DZANK1: variants seen among roughly 807,000 people sequenced by gnomAD.
DZANK1 encodes the protein double zinc ribbon and ankyrin repeat domains 1.
A neutral mutation model predicts 94.5 loss-of-function variants in DZANK1; 91 were observed. The ratio of observed to expected loss-of-function variants is 0.96; its 90% confidence interval spans 0.81 to 1.15. The LOEUF (loss-of-function observed/expected upper bound fraction) is 1.15. Ranked by LOEUF, DZANK1 falls within the 50% of genes most tolerant of loss-of-function variation. The probability of loss-of-function intolerance (pLI) is 0.00; values close to 1 mark genes in which losing one functional copy is unlikely to be tolerated. For synonymous variants in DZANK1, 312 were observed against 325.3 expected (o/e 0.96, Z 0.44); for missense variants, 903 against 916.4 (o/e 0.99, Z 0.19).
At chr20:18,394,570 C>G (rs558959317) in intron 15 of DZANK1, 5 of 683,198 alleles carry the variant, frequency 7.3e-6, no homozygotes, top group African/African-American at 7.0e-5. Context: ...GCCCCTCCTC[C>G]TCTCCCTCCC....
chr20:18,454,932 G>C (rs1324654788), intron 4 of DZANK1, among the ~76,000 whole-genome samples: 1 of 152,234 alleles, frequency 6.6e-6, no homozygotes. Flanking sequence ...AGGAAAAGCT[G>C]ACCAAGGGCA....
At chr20:18,458,165 A>C (rs1408760704) in intron 3 of DZANK1, among the ~76,000 whole-genome samples, 2 of 152,208 alleles carry the variant, frequency 1.3e-5, no homozygotes, top group African/African-American at 4.8e-5. Context: ...TGTCTGGCTC[A>C]TTAGCATTTC....
rs889387897 is a variant in DZANK1 at position 18,384,215 on chromosome 20, A to T, written c.*184T>A. 5 of 529,212 alleles carry T rather than the reference A, an allele frequency of 9.4e-6. No individual in the cohort carries two copies. In the Admixed American group the frequency reaches 1.5e-4, roughly 16 times the overall value. 32.8% of individuals were successfully genotyped at this position (529,212 alleles called of 1,614,324 possible). The stretch of plus-strand genomic sequence containing the variant: ...ACTGGGATTACAGGCATGCACCACT[A>T]CGCCCGACTAATTTTGTATTTTTAG... On this transcript the variant is annotated 3_prime_UTR_variant, in exon 21 of 21. Coordinates refer to ENST00000262547, the Ensembl canonical transcript of DZANK1.
exon 21 of DZANK1, chr20:18,384,060 T>G: frequency 5.4e-6 from 1 of 183,690 alleles, no homozygotes; most frequent in Non-Finnish European, 1.2e-5. Flanking sequence ...GAGCTGCACA[T>G]ATTCTTTTTT....
At chr20:18,438,880 G>A (rs6111960) in intron 8 of DZANK1, among the ~76,000 whole-genome samples, 5,619 of 152,226 alleles carry the variant, frequency 0.037, 133 homozygotes, top group South Asian at 0.098. Context: ...TCTTATAAGG[G>A]CACTAATCCC....
intron 11 of DZANK1, 91 bp from the exon 12 acceptor site, chr20:18,414,603 A>C: frequency 7.0e-7 from 1 of 1,420,124 alleles, no homozygotes; most frequent in Non-Finnish European, 9.5e-7. Context: ...ATATGCCCAG[A>C]CTCTCTGACC....
In DZANK1 at chr20:18,427,171, A is replaced by G; in HGVS notation, c.862-12T>C. On this transcript the variant is annotated splice_polypyrimidine_tract_variant and intron_variant, in intron 9 of 20. Coordinates refer to ENST00000262547, the Ensembl canonical transcript of DZANK1. The stretch of plus-strand genomic sequence containing the variant: ...CAAATTACCTTCTCCTTAACAACAA[A>G]AAATAAGACATACATGTTCCTCTGA... 6.2e-7 allele frequency: 1 copy of G among 1,601,694 alleles called. No homozygotes were observed. The highest frequency in any genetic ancestry group is 1.7e-4 in the Middle Eastern group (1 of 6,034).
At chr20:18,415,301 C>T in intron 11 of DZANK1, 26 bp downstream of exon 11, 1 of 1,508,524 alleles carries the variant, frequency 6.6e-7, no homozygotes, top group Non-Finnish European at 8.9e-7. Flanking sequence ...GCTCAGTATA[C>T]AGAATCTCAG....
At chr20:18,437,153 C>A (rs1182824128) in intron 8 of DZANK1, among the ~76,000 whole-genome samples, 1 of 152,120 alleles carries the variant, frequency 6.6e-6, no homozygotes, top group East Asian at 1.9e-4. Context: ...GAACTTTTAT[C>A]TCATCTTCTT....
intron 3 of DZANK1, among the ~76,000 whole-genome samples, chr20:18,458,906 C>T (rs934347541): frequency 2.0e-5 from 3 of 152,190 alleles, no homozygotes; most frequent in South Asian, 2.1e-4. Context: ...AAAACTCAAA[C>T]GTTTTTAAAT....
In DZANK1 at chr20:18,466,571, A is replaced by C. The variant is rs138185116; in HGVS notation, c.-20+425T>G. 3.3e-4 allele frequency among the ~76,000 whole-genome samples: 51 copies of C among 152,352 alleles called. No homozygotes were observed. In the East Asian group the frequency reaches 7.7e-3, roughly 23 times the overall value. On this transcript the variant is annotated intron_variant, in intron 1 of 20. Coordinates refer to ENST00000262547, the Ensembl canonical transcript of DZANK1. ...TTGCCCATAGTCGCATTTCCATTTAAGTGAAAGGCAGATAAAATAAAAGTA... is the reference window on the plus strand; with the variant it reads ...TTGCCCATAGTCGCATTTCCATTTACGTGAAAGGCAGATAAAATAAAAGTA...
intron 17 of DZANK1, among the ~76,000 whole-genome samples, chr20:18,392,299 G>A (rs2424184): frequency 1 from 151,822 of 152,366 alleles, 75,640 homozygotes; most frequent in East Asian, 1. Context: ...TACAAAAGTT[G>A]AAACAATTCT....
At chr20:18,429,926 T>A (rs1005963490) in intron 9 of DZANK1, among the ~76,000 whole-genome samples, 1 of 152,202 alleles carries the variant, frequency 6.6e-6, no homozygotes, top group South Asian at 2.1e-4. Context: ...TACCATCAGA[T>A]GGCCTTAATG....
chr20:18,432,044 T>C (rs1038659543), intron 9 of DZANK1, among the ~76,000 whole-genome samples: 2 of 152,232 alleles, frequency 1.3e-5, no homozygotes, highest in African/African-American at 4.8e-5. Context: ...TGCTTATCAC[T>C]GTAGAAGTCC....
rs576342746 is a variant in DZANK1 at position 18,434,480 on chromosome 20, GGTT to G, written c.748-718_748-716del. Among the ~76,000 whole-genome samples, 249 of 150,794 alleles carry G rather than the reference GGTT, an allele frequency of 1.7e-3. 2 individuals are homozygous for G. Among genetic ancestry groups the G allele is most frequent in the African/African-American group, 5.8e-3 (238 of 41,020 alleles). ...GAATCACTTGAAGCCAGGAGGCAGA[GGTT>G]GTAGTGAGCCGAGATCGCCTCACTG... On this transcript the variant is annotated intron_variant, in intron 8 of 20. Coordinates refer to ENST00000262547, the Ensembl canonical transcript of DZANK1.
chr20:18,452,558 G>C lies in DZANK1; in HGVS notation c.543+57C>G. 4 of 1,523,436 alleles carry C rather than the reference G, an allele frequency of 2.6e-6. No individual in the cohort carries two copies. In the South Asian group the frequency reaches 5.1e-5, roughly 19 times the overall value. 94.4% of individuals were successfully genotyped at this position (1,523,436 alleles called of 1,614,324 possible). Reference sequence around the variant, plus strand: ...GGTGCAGTCTTAAAGTATTTCATGGGAGCATTAAAAATATAGGAGGTATTT... The same window carrying C: ...GGTGCAGTCTTAAAGTATTTCATGGCAGCATTAAAAATATAGGAGGTATTT... On this transcript the variant is annotated intron_variant, in intron 6 of 20. Coordinates refer to ENST00000262547, the Ensembl canonical transcript of DZANK1.
chr20:18,386,006 A>G (rs2048469787), intron 19 of DZANK1, among the ~76,000 whole-genome samples: 1 of 152,112 alleles, frequency 6.6e-6, no homozygotes. Flanking sequence ...GCAGGAGTGA[A>G]GGAGGGCAGG....
chr20:18,411,735 T>C (rs1039597060), intron 13 of DZANK1, among the ~76,000 whole-genome samples: 2 of 152,234 alleles, frequency 1.3e-5, no homozygotes, highest in African/African-American at 4.8e-5. Flanking sequence ...CTTAGTCCAT[T>C]TGTGCTGCTA....
intron 10 of DZANK1, among the ~76,000 whole-genome samples, chr20:18,424,602 A>G (rs545292164): frequency 1.3e-4 from 20 of 152,344 alleles, no homozygotes; most frequent in Admixed American, 1.1e-3. Context: ...ATATGAATGT[A>G]TACCACTTCT....
Sources: allele counts gnomAD v4.1 joint callset (sites outside exome capture counted in the v4.1 genomes callset), GRCh38; gene constraint gnomAD v4.1.1; transcripts MANE v1.5; gene names NCBI Gene and HGNC (gene_info 2026-07-23, HGNC 2026-07-21).